The following FAM117A variants were observed in gnomAD, a reference collection of about 807,000 sequenced individuals.
FAM117A encodes protein FAM117A.
FAM117A carries 21 observed loss-of-function variants against 44.1 expected under a neutral mutation model. The ratio of observed to expected loss-of-function variants is 0.48; its 90% CI spans 0.34 to 0.69. FAM117A has a LOEUF of 0.69. Ranked by LOEUF, FAM117A falls within the 30% of genes least tolerant of loss-of-function variation. The pLI is 0.01. For missense variants in FAM117A, 498 were observed against 589.9 expected (o/e 0.84, Z 1.61); for synonymous variants, 220 against 238.3 (o/e 0.92, Z 0.71).
At position 49,724,019 on chromosome 17, in the gene FAM117A, C is replaced by T. The variant is rs528156311; in HGVS notation, c.367-1425G>A. ...AGGGCAGACAGCACATCCTTCAGGC[C>T]CAAATCTTCAGCACAAACCCTAAAG... is the stretch of plus-strand genomic sequence containing the variant. On this transcript the variant is annotated intron_variant, in intron 2 of 7. Coordinates refer to ENST00000240364, the MANE Select transcript of FAM117A (RefSeq NM_030802.4). Among the ~76,000 whole-genome samples, 8 of 152,220 alleles carry T rather than the reference C, an allele frequency of 5.3e-5. No homozygotes were observed. The South Asian group carries it at 1.7e-3, about 32-fold the overall frequency.
At chr17:49,732,493 C>T in intron 2 of FAM117A, 58 bp downstream of exon 2, 2 of 1,559,768 alleles carry the variant, frequency 1.3e-6, no homozygotes, top group Non-Finnish European at 1.8e-6. Flanking sequence ...AAGGCCTCCT[C>T]AGCCAGCTCT....
Position 49,720,346 on chromosome 17 carries a change from C to T in FAM117A, c.553G>A (p.Ala185Thr), listed in dbSNP as rs749711689. 28 of 1,613,586 alleles carry T rather than the reference C, an allele frequency of 1.7e-5. No homozygotes were observed. The South Asian group carries it at 2.3e-4, about 13-fold the overall frequency. ...ERGSPLLGDH[A>T]VRGALRASPP... is the part of the protein sequence containing the mutation. ...CATACCCTCAGTGCTCCCCGCACTG[C>T]GTGGTCCCCTAGGAGTGGTGAACCT... The change falls in exon 4 of 8, where the codon GCA (alanine) becomes ACA (threonine). Residue 185 changes from alanine to threonine, a missense_variant. This residue lies in a region of FAM117A where 270 missense variants were observed against 277.4 expected (regional missense o/e 0.97). Coordinates refer to ENST00000240364, the MANE Select transcript of FAM117A (RefSeq NM_030802.4).
intron 1 of FAM117A, among the ~76,000 whole-genome samples, chr17:49,754,660 A>G (rs904133655): frequency 1.1e-4 from 16 of 151,968 alleles, no homozygotes; most frequent in Non-Finnish European, 1.8e-4. Context: ...GAAGAAGGGG[A>G]GGGAAGAGGG....
At chr17:49,719,735 C>G in intron 5 of FAM117A, 25 bp downstream of exon 5, 1 of 1,536,918 alleles carries the variant, frequency 6.5e-7, no homozygotes, top group East Asian at 2.4e-5. Context: ...ACTGTGGGTG[C>G]ACTCAGGGTG....
upstream of FAM117A, among the ~76,000 whole-genome samples, chr17:49,766,783 A>G (rs528134628): frequency 1.3e-5 from 2 of 152,348 alleles, no homozygotes; most frequent in East Asian, 3.9e-4. Flanking sequence ...TGCCAGAATC[A>G]TCCCTGCTCC....
At chr17:49,745,013 C>CAAA (rs34358343) in intron 1 of FAM117A, among the ~76,000 whole-genome samples, 93 of 71,884 alleles carry the variant, frequency 1.3e-3, no homozygotes, top group Middle Eastern at 6.4e-3. Context: ...GACTCTGTCT[C>CAAA]AAAAAAAAAA....
chr17:49,759,796 C>T (rs1368431260), intron 1 of FAM117A, among the ~76,000 whole-genome samples: 1 of 152,202 alleles, frequency 6.6e-6, no homozygotes, highest in East Asian at 1.9e-4. Context: ...ATTCACGAAA[C>T]AGCCATCCTG....
At chr17:49,720,888 T>G (rs2073531145) in intron 3 of FAM117A, among the ~76,000 whole-genome samples, 1 of 152,124 alleles carries the variant, frequency 6.6e-6, no homozygotes, top group Non-Finnish European at 1.5e-5. Flanking sequence ...CTAATTTTTG[T>G]ATTTTTAATA....
At chr17:49,745,598 C>T (rs547609288) in intron 1 of FAM117A, among the ~76,000 whole-genome samples, 3 of 152,260 alleles carry the variant, frequency 2.0e-5, no homozygotes, top group Admixed American at 6.5e-5. Context: ...ATGAGATGTT[C>T]TTGTCAGAAA....
rs2073674060 is a variant in FAM117A, at chr17:49,750,836, ATTAG to A, written c.196+13052_196+13055del. ...GAAAAAGTGCTTGGTATATAAGATT[ATTAG>A]TTACTACTTTTTTAAAAACAACAAA... On this transcript the variant is annotated intron_variant, in intron 1 of 7. Coordinates refer to ENST00000240364, the MANE Select transcript of FAM117A (RefSeq NM_030802.4). 2.0e-5 allele frequency among the ~76,000 whole-genome samples: 3 copies of A among 152,336 alleles called. No homozygotes were observed. In the South Asian group the frequency reaches 6.2e-4, roughly 32 times the overall value.
chr17:49,713,085 A>G (rs1386962081), intron 7 of FAM117A, among the ~76,000 whole-genome samples: 1 of 152,052 alleles, frequency 6.6e-6, no homozygotes, highest in African/African-American at 2.4e-5. Context: ...TGGGAGTCTC[A>G]CTATGTTGAC....
intron 1 of FAM117A, among the ~76,000 whole-genome samples, chr17:49,746,451 G>A (rs1377607957): frequency 6.6e-6 from 1 of 152,182 alleles, no homozygotes; most frequent in African/African-American, 2.4e-5. Context: ...CTGAAGGTAG[G>A]CAAGGAATAA....
intron 2 of FAM117A, among the ~76,000 whole-genome samples, chr17:49,727,008 A>C (rs1313000208): frequency 6.6e-6 from 1 of 151,692 alleles, no homozygotes; most frequent in Non-Finnish European, 1.5e-5. Context: ...AAAAAGAAAA[A>C]ACTAACCTTC....
At chr17:49,766,195 C>T (rs1349163824), upstream of FAM117A, among the ~76,000 whole-genome samples, 2 of 152,214 alleles carry the variant, frequency 1.3e-5, no homozygotes, top group Admixed American at 1.3e-4. Context: ...CCCAGGTAGC[C>T]TGACTCCAGA....
intron 7 of FAM117A, among the ~76,000 whole-genome samples, chr17:49,713,897 G>T (rs543354279): frequency 6.6e-6 from 1 of 152,286 alleles, no homozygotes; most frequent in East Asian, 1.9e-4. Flanking sequence ...ACAGAGTCAG[G>T]AGAGGTGGAG....
chr17:49,754,658 G>A (rs1172475256), intron 1 of FAM117A, among the ~76,000 whole-genome samples: 1 of 152,052 alleles, frequency 6.6e-6, no homozygotes, highest in Non-Finnish European at 1.5e-5. Flanking sequence ...GAGAAGAAGG[G>A]GAGGGAAGAG....
At chr17:49,719,142 A>C (rs1288034856) in intron 5 of FAM117A, among the ~76,000 whole-genome samples, 1 of 147,542 alleles carries the variant, frequency 6.8e-6, no homozygotes, top group Non-Finnish European at 1.5e-5. Flanking sequence ...AGCGCCTGTA[A>C]TCCCAGCTAC....
chr17:49,751,275 T>C lies in FAM117A; in HGVS notation c.196+12617A>G, dbSNP rs562025057. Reference sequence around the variant, plus strand: ...GTCTGGGCAACAAGAGCAAAATCTGTCTCCAAAAAAAAAAAAAAAAAAAAG... The same window carrying C: ...GTCTGGGCAACAAGAGCAAAATCTGCCTCCAAAAAAAAAAAAAAAAAAAAG... On this transcript the variant is annotated intron_variant, in intron 1 of 7. Transcript: ENST00000240364. Among the ~76,000 whole-genome samples the C allele has an allele frequency of 2.6e-4, 27 of 103,746 alleles. No individual in the cohort carries two copies. The East Asian group carries it at 2.8e-3, about 11-fold the overall frequency. 68.1% of individuals were successfully genotyped at this position (103,746 alleles called of 152,430 possible). A position where few individuals can be genotyped will look rare whatever the true frequency, so the allele number is the denominator to read the frequency against.
intron 1 of FAM117A, among the ~76,000 whole-genome samples, chr17:49,749,509 AG>A: frequency 8.0e-6 from 1 of 125,478 alleles, no homozygotes; most frequent in Non-Finnish European, 1.9e-5. Flanking sequence ...TCTGGGAGGC[AG>A]AAGTTGCAGT....
Sources: allele counts gnomAD v4.1 joint callset (sites outside exome capture counted in the v4.1 genomes callset), GRCh38; gene constraint gnomAD v4.1.1; regional missense constraint gnomAD v4.1.1; transcripts MANE v1.5; gene names NCBI Gene and HGNC (gene_info 2026-07-23, HGNC 2026-07-21).